DIP2B: variants seen among roughly 807,000 people sequenced by gnomAD.
DIP2B encodes disco-interacting protein 2 homolog B.
DIP2B carries 76 observed loss-of-function variants against 198.0 expected under a neutral mutation model. That is an observed-to-expected ratio of 0.38 (90% CI 0.32 to 0.46). DIP2B has a LOEUF of 0.46. Ranked by LOEUF, DIP2B falls within the 20% of genes least tolerant of loss-of-function variation. The pLI is 0.99. For missense variants in DIP2B, 1,559 were observed against 1,978.4 expected, an observed-to-expected ratio of 0.79 and a Z score of 4.02; for synonymous variants, 701 against 739.1, an observed-to-expected ratio of 0.95 and a Z score of 0.84.
chr12:50,557,024 T>C (rs1958477822), intron 1 of DIP2B, among the ~76,000 whole-genome samples: 1 of 152,138 alleles, frequency 6.6e-6, no homozygotes, highest in South Asian at 2.1e-4. Flanking sequence ...TTTTTGTATT[T>C]TTAATGAAGA....
chr12:50,710,625 A>C (rs755185266), intron 22 of DIP2B, among the ~76,000 whole-genome samples: 1 of 152,094 alleles, frequency 6.6e-6, no homozygotes, highest in African/African-American at 2.4e-5. Context: ...GATTTTCGCC[A>C]TGTTGGCCAG....
intron 36 of DIP2B, among the ~76,000 whole-genome samples, 167 bp downstream of exon 36, chr12:50,739,753 A>G (rs1009105852): frequency 3.3e-5 from 5 of 152,186 alleles, no homozygotes; most frequent in African/African-American, 1.2e-4. Context: ...GCCTTGCCCC[A>G]TGAAGAGTGT....
intron 29 of DIP2B, 49 bp from the exon 30 acceptor site, chr12:50,728,499 T>C: frequency 6.3e-7 from 1 of 1,582,538 alleles, no homozygotes; most frequent in East Asian, 2.3e-5. Context: ...GCTGTTACTC[T>C]GCCTGTGGGA....
chr12:50,714,029 G>C (rs1939666982), intron 22 of DIP2B, among the ~76,000 whole-genome samples: 1 of 152,228 alleles, frequency 6.6e-6, no homozygotes, highest in African/African-American at 2.4e-5. Context: ...TTGAGCTTAG[G>C]AATTTGGGGC....
At chr12:50,557,997 AGGAAAAT>A (rs1222645123) in intron 1 of DIP2B, among the ~76,000 whole-genome samples, 2 of 152,158 alleles carry the variant, frequency 1.3e-5, no homozygotes, top group Non-Finnish European at 2.9e-5. Context: ...ACAAAAAATA[AGGAAAAT>A]ACATACATAA....
At chr12:50,735,477 G>GT (rs35163524) in intron 34 of DIP2B, among the ~76,000 whole-genome samples, 38,100 of 136,536 alleles carry the variant, frequency 0.28, 5,690 homozygotes, top group East Asian at 0.41. Context: ...TTTGTTTTTT[G>GT]TTTTTTTTGA....
intron 1 of DIP2B, among the ~76,000 whole-genome samples, chr12:50,564,414 C>T (rs969353816): frequency 1.3e-5 from 2 of 152,076 alleles, no homozygotes; most frequent in Non-Finnish European, 2.9e-5. Context: ...TTAAGCACTG[C>T]CAAATTTGGG....
intron 37 of DIP2B, among the ~76,000 whole-genome samples, chr12:50,744,367 G>A (rs569788792): frequency 6.6e-6 from 1 of 151,678 alleles, no homozygotes; most frequent in Admixed American, 6.6e-5. Flanking sequence ...TGTTCACAGG[G>A]GCAAGATGTC....
chr12:50,512,462 TCA>T (rs1958026913), intron 1 of DIP2B, among the ~76,000 whole-genome samples: 1 of 152,128 alleles, frequency 6.6e-6, no homozygotes, highest in Non-Finnish European at 1.5e-5. Context: ...TTTAAATAAC[TCA>T]CAACTATTTA....
intron 1 of DIP2B, among the ~76,000 whole-genome samples, chr12:50,539,753 C>T (rs1272989801): frequency 6.6e-6 from 1 of 152,068 alleles, no homozygotes; most frequent in South Asian, 2.1e-4. Context: ...TTACTTTTCT[C>T]TCACCCTTAG....
chr12:50,735,459 T>C (rs1217475136), intron 34 of DIP2B, among the ~76,000 whole-genome samples: 1 of 68,080 alleles, frequency 1.5e-5, no homozygotes, highest in African/African-American at 3.8e-5. Flanking sequence ...TTTTTTGTTT[T>C]TTTGTTTTTT....
chr12:50,656,744 G>T (rs1938560988), intron 3 of DIP2B, among the ~76,000 whole-genome samples: 1 of 152,036 alleles, frequency 6.6e-6, no homozygotes. Flanking sequence ...GCTAATTTTT[G>T]TATTTTCAGT....
intron 4 of DIP2B, among the ~76,000 whole-genome samples, chr12:50,662,721 C>T (rs1024845292): frequency 2.0e-5 from 3 of 151,964 alleles, no homozygotes; most frequent in Non-Finnish European, 4.4e-5. Context: ...TAGAAGATGC[C>T]GAGGCTGTGT....
At chr12:50,523,224 C>T (rs905590852) in intron 1 of DIP2B, among the ~76,000 whole-genome samples, 2 of 152,110 alleles carry the variant, frequency 1.3e-5, no homozygotes, top group Admixed American at 6.6e-5. Flanking sequence ...TTGCATGTAA[C>T]GTAAGCACAT....
At chr12:50,644,828 A>G (rs1008486840) in intron 3 of DIP2B, among the ~76,000 whole-genome samples, 4 of 152,186 alleles carry the variant, frequency 2.6e-5, no homozygotes, top group Non-Finnish European at 5.9e-5. Flanking sequence ...GTAATTCCCT[A>G]GCTTTGTCCA....
intron 1 of DIP2B, among the ~76,000 whole-genome samples, chr12:50,559,745 A>ACACACACACACACACACAC (rs1555184070): frequency 1.3e-5 from 2 of 150,984 alleles, no homozygotes; most frequent in East Asian, 1.9e-4. Flanking sequence ...ACACACACAC[A>ACACACACACACACACACAC]ATTTCTAGTA....
chr12:50,608,871 G>A (rs536722601), intron 1 of DIP2B, among the ~76,000 whole-genome samples: 91 of 152,230 alleles, frequency 6.0e-4, no homozygotes, highest in African/African-American at 2.1e-3. Context: ...GCCGGGCATG[G>A]TGGCTCACGC....
At position 50,731,496 on chromosome 12, in the gene DIP2B, C is replaced by G. The variant is rs369492035; in HGVS notation, c.3769C>G (p.Leu1257Val). The change falls in exon 31 of 38, where the codon CTC becomes GTC. Residue 1257 changes from leucine (L) to valine (V), a missense_variant. Coordinates refer to ENST00000301180, the MANE Select transcript of DIP2B (RefSeq NM_173602.3). ...DTFCSYSVMELCTKGLGNQVE... is the reference protein window; with the variant it reads ...DTFCSYSVMEVCTKGLGNQVE... ...TTTCTGCTCCTATTCAGTGATGGAG[C>G]TCTGCACCAAAGGTCTTGGGAACCA... The G allele has an allele frequency of 6.6e-5, 107 of 1,613,948 alleles. No individual in the cohort carries two copies. The highest frequency in any genetic ancestry group is 8.7e-5 in the Non-Finnish European group (103 of 1,179,948).
chr12:50,625,358 T>G (rs1937912430), intron 1 of DIP2B, among the ~76,000 whole-genome samples: 1 of 152,258 alleles, frequency 6.6e-6, no homozygotes, highest in Admixed American at 6.5e-5. Flanking sequence ...ATTTGTTGTA[T>G]ATGCACTAAT....
Sources: allele counts gnomAD v4.1 joint callset (sites outside exome capture counted in the v4.1 genomes callset), GRCh38; gene constraint gnomAD v4.1.1; transcripts MANE v1.5; gene names NCBI Gene and HGNC (gene_info 2026-07-23, HGNC 2026-07-21).